The following XKR4 variants were observed in gnomAD, a reference collection of about 807,000 sequenced individuals.
XKR4 encodes the protein XK related 4.
Under a neutral mutation model 53.9 loss-of-function variants are expected in XKR4, and 12 were observed. The ratio of observed to expected loss-of-function variants is 0.22; its 90% CI spans 0.14 to 0.36. XKR4 has a LOEUF of 0.36. Among genes scored for constraint, XKR4 ranks in the 10% least tolerant of loss-of-function variants. XKR4 has a pLI of 1.00. For missense variants in XKR4, 799 were observed against 859.5 expected (o/e 0.93, Z 0.88); for synonymous variants, 354 against 362.4 (o/e 0.98, Z 0.26).
At chr8:55,143,911 G>T (rs1193652321) in intron 1 of XKR4, among the ~76,000 whole-genome samples, 2 of 152,204 alleles carry the variant, frequency 1.3e-5, no homozygotes, top group African/African-American at 2.4e-5. Context: ...CAGTAATTTT[G>T]CTGGAGTGAA....
rs1807047257 is a variant in XKR4 at position 55,537,560 on chromosome 8, C to G, written c.*13333C>G. 1 of 152,170 alleles carries G rather than the reference C, an allele frequency of 6.6e-6. No individual in the cohort carries two copies. The highest frequency in any genetic ancestry group is 2.4e-5 in the African/African-American group (1 of 41,432). The allele number at this position is 152,170 out of a possible 1,614,324, so 9.4% of individuals were successfully genotyped here. ...GAGTACGGAAAGGTATTCAACTATG[C>G]AAAGATATTGAGGGGATTTCCAGAG... On this transcript the variant is annotated 3_prime_UTR_variant, in exon 3 of 3. Transcript: ENST00000327381.
At chr8:55,321,952 A>G (rs1028810134) in intron 1 of XKR4, among the ~76,000 whole-genome samples, 1 of 152,066 alleles carries the variant, frequency 6.6e-6, no homozygotes, top group Non-Finnish European at 1.5e-5. Context: ...TCATGCCACT[A>G]CACTCCAGCC....
At chr8:55,406,847 C>T (rs534831311) in intron 2 of XKR4, among the ~76,000 whole-genome samples, 3 of 152,292 alleles carry the variant, frequency 2.0e-5, no homozygotes, top group Admixed American at 6.5e-5. Context: ...AAGTGAGACT[C>T]TAAGGCCTTT....
intron 2 of XKR4, chr8:55,449,899 C>G: frequency 1.1e-6 from 1 of 893,140 alleles, no homozygotes; most frequent in Non-Finnish European, 1.9e-6. Context: ...GGCAGCCTGG[C>G]GGGAGCCAGA....
At chr8:55,403,886 C>T (rs924423194) in intron 2 of XKR4, among the ~76,000 whole-genome samples, 3 of 152,180 alleles carry the variant, frequency 2.0e-5, no homozygotes, top group African/African-American at 7.2e-5. Context: ...TGAGACCTGG[C>T]AAGTATCACA....
intron 2 of XKR4, among the ~76,000 whole-genome samples, chr8:55,456,596 A>G (rs979626283): frequency 1.3e-5 from 2 of 152,262 alleles, no homozygotes; most frequent in Admixed American, 6.5e-5. Flanking sequence ...GAAGTGAAAA[A>G]GAACCAAATA....
chr8:55,224,209 TG>T (rs1817922686), intron 1 of XKR4, among the ~76,000 whole-genome samples: 2 of 152,200 alleles, frequency 1.3e-5, no homozygotes, highest in African/African-American at 4.8e-5. Context: ...TATTTCACAC[TG>T]GTTCTCATTT....
chr8:55,441,671 A>C (rs1043227972), intron 2 of XKR4, among the ~76,000 whole-genome samples: 4 of 152,190 alleles, frequency 2.6e-5, no homozygotes, highest in Admixed American at 2.6e-4. Context: ...TGACTACAAC[A>C]TTCTGAAGTT....
At chr8:55,482,592 C>G (rs963952553) in intron 2 of XKR4, among the ~76,000 whole-genome samples, 7 of 151,558 alleles carry the variant, frequency 4.6e-5, no homozygotes, top group Admixed American at 3.9e-4. Context: ...CAACTGCAAA[C>G]CTGAATAGAA....
chr8:55,297,573 A>G (rs1287392737), intron 1 of XKR4, among the ~76,000 whole-genome samples: 1 of 152,198 alleles, frequency 6.6e-6, no homozygotes, highest in African/African-American at 2.4e-5. Context: ...CTTACAGGGG[A>G]AAGGTTACAG....
intron 1 of XKR4, among the ~76,000 whole-genome samples, chr8:55,157,889 G>A (rs1816930468): frequency 1.3e-5 from 2 of 152,156 alleles, no homozygotes; most frequent in African/African-American, 4.8e-5. Context: ...GTATTCCATG[G>A]TGTCTATGTA....
chr8:55,213,856 C>CTTTTTTTTTTTTTTTTTTT (rs11433893), intron 1 of XKR4, among the ~76,000 whole-genome samples: 38 of 82,352 alleles, frequency 4.6e-4, no homozygotes, highest in African/African-American at 6.0e-4. Flanking sequence ...TTCTTTCTTT[C>CTTTTTTTTTTTTTTTTTTT]TTTTTTTTTT....
rs1804573401 is a variant in XKR4, at chr8:55,399,825, A to T, written c.1006+41948A>T. On this transcript the variant is annotated intron_variant, in intron 2 of 2. Transcript: ENST00000327381. The stretch of plus-strand genomic sequence containing the variant: ...AGAGAAGAGGGGAGTGGTCAGAAGT[A>T]GGCACGGGAGTCCATCGTGGAGACT... Among the ~76,000 whole-genome samples, 4 of 152,324 alleles carry T rather than the reference A, an allele frequency of 2.6e-5. No homozygotes were observed. In the South Asian group the frequency reaches 8.3e-4, roughly 32 times the overall value.
intron 1 of XKR4, among the ~76,000 whole-genome samples, chr8:55,261,348 G>C (rs1295641247): frequency 6.6e-6 from 1 of 152,122 alleles, no homozygotes; most frequent in Non-Finnish European, 1.5e-5. Flanking sequence ...GATCTAACTA[G>C]CTCTAACATT....
chr8:55,293,277 G>C (rs1215002789), intron 1 of XKR4, among the ~76,000 whole-genome samples: 1 of 152,170 alleles, frequency 6.6e-6, no homozygotes, highest in Non-Finnish European at 1.5e-5. Flanking sequence ...AAAGGTTGCA[G>C]TGAGCCGAGA....
At chr8:55,263,122 C>G (rs1200610372) in intron 1 of XKR4, among the ~76,000 whole-genome samples, 3 of 152,126 alleles carry the variant, frequency 2.0e-5, no homozygotes, top group East Asian at 3.9e-4. Flanking sequence ...TCAGTCTTGC[C>G]CCTTTAGTCC....
chr8:55,203,633 C>A (rs1230009454), intron 1 of XKR4, among the ~76,000 whole-genome samples: 1 of 152,106 alleles, frequency 6.6e-6, no homozygotes, highest in African/African-American at 2.4e-5. Flanking sequence ...GGAGTTAGAA[C>A]CACCTGGGGA....
chr8:55,280,264 A>T (rs1818824183), intron 1 of XKR4, among the ~76,000 whole-genome samples: 1 of 152,188 alleles, frequency 6.6e-6, no homozygotes, highest in African/African-American at 2.4e-5. Context: ...CCTTTGGCTC[A>T]AAAGGGAGTT....
intron 1 of XKR4, among the ~76,000 whole-genome samples, chr8:55,282,052 C>T (rs534085074): frequency 1.3e-5 from 2 of 152,240 alleles, no homozygotes; most frequent in African/African-American, 2.4e-5. Flanking sequence ...GTGGGTGTTC[C>T]GATGAGATGG....
Sources: allele counts gnomAD v4.1 joint callset (sites outside exome capture counted in the v4.1 genomes callset), GRCh38; gene constraint gnomAD v4.1.1; transcripts MANE v1.5; gene names NCBI Gene and HGNC (gene_info 2026-07-23, HGNC 2026-07-21).